The following FCHSD2 variants were observed in gnomAD, a reference collection of about 807,000 sequenced individuals.
FCHSD2 encodes F-BAR and double SH3 domains protein 2.
FCHSD2 carries 38 observed loss-of-function variants against 108.1 expected under a neutral mutation model. The observed-to-expected ratio is 0.35, with a 90% CI of 0.27 to 0.46. The LOEUF (loss-of-function observed/expected upper bound fraction) is 0.46, where lower values mean the gene tolerates loss of function less well. FCHSD2 is among the 20% of genes least tolerant of loss of function. The pLI, the probability that FCHSD2 is intolerant of heterozygous loss-of-function variation, is 1.00. For missense variants in FCHSD2, 751 were observed against 897.8 expected, an observed-to-expected ratio of 0.84 and a Z score of 2.09; for synonymous variants, 279 against 314.7, an observed-to-expected ratio of 0.89 and a Z score of 1.20.
At chr11:73,003,608 T>A (rs942350365) in intron 4 of FCHSD2, among the ~76,000 whole-genome samples, 8 of 149,360 alleles carry the variant, frequency 5.4e-5, no homozygotes, top group African/African-American at 2.0e-4. Flanking sequence ...TGCCTCAGCC[T>A]CCCAAGTAGC....
intron 8 of FCHSD2, among the ~76,000 whole-genome samples, chr11:72,941,871 G>A (rs1856426919): frequency 1.3e-5 from 2 of 152,036 alleles, no homozygotes; most frequent in East Asian, 1.9e-4. Context: ...TATCAAAGAG[G>A]TGTATTAAGA....
chr11:73,115,078 C>T (rs764072019), intron 2 of FCHSD2, among the ~76,000 whole-genome samples: 2 of 152,332 alleles, frequency 1.3e-5, no homozygotes, highest in East Asian at 1.9e-4. Flanking sequence ...AGTGGCAAGG[C>T]GTGCTGAAAT....
intron 3 of FCHSD2, among the ~76,000 whole-genome samples, chr11:73,081,936 C>T (rs1020808503): frequency 6.6e-6 from 1 of 152,158 alleles, no homozygotes; most frequent in South Asian, 2.1e-4. Context: ...GGCGCGGTGA[C>T]TCACGCCTGT....
At position 73,138,061 on chromosome 11, in the gene FCHSD2, T is replaced by C. The variant is rs114766548; in HGVS notation, c.119+1970A>G. Among the ~76,000 whole-genome samples the C allele has an allele frequency of 5.8e-3, 884 of 152,252 alleles. 6 individuals are homozygous for C. Among genetic ancestry groups the C allele is most frequent in the African/African-American group, 0.02 (838 of 41,526 alleles). On this transcript the variant is annotated intron_variant, in intron 2 of 19. Transcript: ENST00000409418. ...CTGCAATAATTAGGATACTAGTATA[T>C]TGCAAGCAAAATGTGATGGATCAGC...
At chr11:72,873,815 G>A (rs1269271924) in intron 12 of FCHSD2, among the ~76,000 whole-genome samples, 4 of 152,114 alleles carry the variant, frequency 2.6e-5, no homozygotes, top group African/African-American at 7.2e-5. Context: ...CCAGCATCCC[G>A]GGTTCCTACG....
chr11:73,139,533 TAATAA>T (rs1316127049), intron 2 of FCHSD2, among the ~76,000 whole-genome samples: 1 of 152,218 alleles, frequency 6.6e-6, no homozygotes, highest in Non-Finnish European at 1.5e-5. Flanking sequence ...GTAACCTCAA[TAATAA>T]AATAAAATAT....
intron 8 of FCHSD2, among the ~76,000 whole-genome samples, chr11:72,969,635 C>A (rs933835781): frequency 6.6e-6 from 1 of 152,034 alleles, no homozygotes; most frequent in African/African-American, 2.4e-5. Context: ...TAGAAAAAAG[C>A]CCAAATGTTA....
intron 8 of FCHSD2, among the ~76,000 whole-genome samples, chr11:72,975,777 T>C (rs1412003328): frequency 1.3e-5 from 2 of 152,232 alleles, no homozygotes; most frequent in African/African-American, 2.4e-5. Context: ...CTTTTATTAC[T>C]TCACCAAATT....
chr11:73,051,868 A>AACACACAC (rs61511109), intron 3 of FCHSD2, among the ~76,000 whole-genome samples: 48 of 141,814 alleles, frequency 3.4e-4, no homozygotes, highest in Admixed American at 6.4e-4. Context: ...ACGGTATATA[A>AACACACAC]ACACACACAC....
At position 73,094,294 on chromosome 11, in the gene FCHSD2, G is replaced by A. The variant is rs1019148918; in HGVS notation, c.120-10554C>T. ...ACTGAACTATAGCAATGAGGATAAAGGGCAATGGAACTCTAACATGCCATT... is the reference window on the plus strand; with the variant it reads ...ACTGAACTATAGCAATGAGGATAAAAGGCAATGGAACTCTAACATGCCATT... On this transcript the variant is annotated intron_variant, in intron 2 of 19. Transcript: ENST00000409418. Among the ~76,000 whole-genome samples the A allele has an allele frequency of 2.0e-5, 3 of 152,256 alleles. No individual in the cohort carries two copies. The Middle Eastern group carries it at 0.01, about 518-fold the overall frequency.
chr11:73,100,801 T>C (rs1183531153), intron 2 of FCHSD2, among the ~76,000 whole-genome samples: 1 of 152,140 alleles, frequency 6.6e-6, no homozygotes, highest in Non-Finnish European at 1.5e-5. Flanking sequence ...TCTGGTGCTA[T>C]TATCATTCGT....
chr11:72,988,165 G>A (rs1857345254), intron 6 of FCHSD2, among the ~76,000 whole-genome samples: 1 of 152,174 alleles, frequency 6.6e-6, no homozygotes. Flanking sequence ...CTGATATTAT[G>A]ATTAGGAGTT....
intron 3 of FCHSD2, among the ~76,000 whole-genome samples, chr11:73,068,735 C>T (rs544365801): frequency 2.8e-5 from 4 of 144,816 alleles, no homozygotes; most frequent in African/African-American, 5.1e-5. Flanking sequence ...TTTGGGAGGC[C>T]GAGGCAAGAG....
intron 3 of FCHSD2, among the ~76,000 whole-genome samples, chr11:73,044,536 CATT>C (rs1858712375): frequency 6.6e-6 from 1 of 152,160 alleles, no homozygotes; most frequent in Non-Finnish European, 1.5e-5. Context: ...ATGATCATGC[CATT>C]GCACTCCAGC....
chr11:72,921,974 G>A lies in FCHSD2; in HGVS notation c.706-24C>T, dbSNP rs1565324144. ...GCCTGTAATAGAGGAGTAAATAAAA[G>A]AAAAAAAATTACAGTAAAGCCTTGA... On this transcript the variant is annotated intron_variant, in intron 8 of 19. Transcript: ENST00000409418. 3.3e-6 allele frequency: 5 copies of A among 1,531,514 alleles called. No individual in the cohort carries two copies. In the Admixed American group the frequency reaches 6.0e-5, roughly 18 times the overall value. The allele number at this position is 1,531,514 out of a possible 1,614,324, so 94.9% of individuals were successfully genotyped here.
chr11:72,982,925 C>G (rs954863034), intron 8 of FCHSD2, among the ~76,000 whole-genome samples: 2 of 152,064 alleles, frequency 1.3e-5, no homozygotes, highest in African/African-American at 4.8e-5. Context: ...TTTTGGGAAG[C>G]TTAGGAGGGA....
chr11:73,120,123 C>G (rs1349574247), intron 2 of FCHSD2, among the ~76,000 whole-genome samples: 1 of 152,036 alleles, frequency 6.6e-6, no homozygotes, highest in Admixed American at 6.6e-5. Context: ...CGGTGGAAAC[C>G]ACCCCCATGA....
chr11:73,014,457 C>A (rs1264121169), intron 4 of FCHSD2, among the ~76,000 whole-genome samples: 1 of 151,976 alleles, frequency 6.6e-6, no homozygotes, highest in Non-Finnish European at 1.5e-5. Context: ...CTTTAATATG[C>A]TCTATTGCAA....
intron 3 of FCHSD2, among the ~76,000 whole-genome samples, chr11:73,047,627 T>C (rs527622272): frequency 6.0e-4 from 92 of 152,326 alleles, no homozygotes; most frequent in Non-Finnish European, 1.1e-3. Context: ...TGTTCCATGA[T>C]TTCTAACGGC....
Sources: allele counts gnomAD v4.1 joint callset (sites outside exome capture counted in the v4.1 genomes callset), GRCh38; gene constraint gnomAD v4.1.1; transcripts MANE v1.5; gene names NCBI Gene and HGNC (gene_info 2026-07-23, HGNC 2026-07-21).